Variants in TTC28 observed in about 807,000 individuals in gnomAD.
TTC28 encodes tetratricopeptide repeat protein 28.
In TTC28, 61 loss-of-function variants were observed where a neutral mutation model predicts 198.0. The ratio of observed to expected loss-of-function variants is 0.31; its 90% CI spans 0.25 to 0.38. The LOEUF (loss-of-function observed/expected upper bound fraction) is 0.38, where lower values mean the gene tolerates loss of function less well. TTC28 is among the 10% of genes least tolerant of loss of function. TTC28 has a pLI of 1.00. For missense variants in TTC28, 2,678 were observed against 3,164.0 expected (o/e 0.85, Z 3.69); for synonymous variants, 1,171 against 1,297.8 (o/e 0.90, Z 2.10).
chr22:28,196,024 T>C (rs373050235), intron 5 of TTC28, among the ~76,000 whole-genome samples: 62 of 151,648 alleles, frequency 4.1e-4, no homozygotes, highest in East Asian at 2.9e-3. Flanking sequence ...TCACGCTACC[T>C]GACTTCAAAC....
intron 16 of TTC28, chr22:27,998,270 A>T: frequency 1.8e-6 from 1 of 563,616 alleles, no homozygotes; most frequent in Non-Finnish European, 3.1e-6. Flanking sequence ...GGAATGGGTC[A>T]TCCAGTGTAC....
At chr22:28,508,807 C>T (rs997389099) in intron 2 of TTC28, among the ~76,000 whole-genome samples, 6 of 152,084 alleles carry the variant, frequency 3.9e-5, no homozygotes, top group Admixed American at 3.9e-4. Flanking sequence ...ACCCCACTGA[C>T]AATATTAGAT....
At position 28,098,975 on chromosome 22, in the gene TTC28, A is replaced by G; in HGVS notation, c.3487T>C (p.Ser1163Pro). Residue 1163 changes from serine (S) to proline (P), a missense_variant, in exon 10 of 23, where the codon TCC (serine) becomes CCC (proline). Around this residue, in one of 8 missense-constraint regions of TTC28, gnomAD observed 727 missense variants for 861.9 expected, o/e 0.84. Coordinates refer to ENST00000397906, the MANE Select transcript of TTC28 (RefSeq NM_001145418.2). ...EAQLSTDYKL[S>P]LFDLQTSSYQ... Reference sequence around the variant, plus strand: ...GATGATGTCTGCAGGTCAAAGAGGGAGAGTTTGTAGTCCGTGCTCAGCTGT... The same window carrying G: ...GATGATGTCTGCAGGTCAAAGAGGGGGAGTTTGTAGTCCGTGCTCAGCTGT... 1 of 1,551,812 alleles carries G rather than the reference A, an allele frequency of 6.4e-7. No homozygotes were observed. Among genetic ancestry groups the G allele is most frequent in the Middle Eastern group, 1.7e-4 (1 of 5,992 alleles).
At chr22:28,118,017 G>A (rs1455481151) in intron 6 of TTC28, among the ~76,000 whole-genome samples, 2 of 152,054 alleles carry the variant, frequency 1.3e-5, no homozygotes, top group Admixed American at 6.6e-5. Context: ...TGATTATTAC[G>A]CATTATATGC....
At chr22:28,296,899 G>C (rs962682818) in intron 4 of TTC28, among the ~76,000 whole-genome samples, 2 of 152,158 alleles carry the variant, frequency 1.3e-5, no homozygotes, top group African/African-American at 2.4e-5. Context: ...AAGTGGCAGA[G>C]CCAGGATTCT....
chr22:28,222,547 C>A (rs903350650), intron 5 of TTC28, among the ~76,000 whole-genome samples: 15 of 152,132 alleles, frequency 9.9e-5, no homozygotes, highest in Non-Finnish European at 2.1e-4. Flanking sequence ...ATGAGTAAAC[C>A]TAATGTACAC....
chr22:28,243,545 C>G (rs1929845930), intron 5 of TTC28, among the ~76,000 whole-genome samples: 1 of 151,860 alleles, frequency 6.6e-6, no homozygotes, highest in Non-Finnish European at 1.5e-5. Context: ...TCCCCTTACA[C>G]TGTGTGAGTT....
chr22:28,591,030 CACACACACACATATATAT>C (rs1267199510), intron 2 of TTC28, among the ~76,000 whole-genome samples: 1,275 of 68,050 alleles, frequency 0.019, 5 homozygotes, highest in Middle Eastern at 0.049. Context: ...CACACACACA[CACACACACACATATATAT>C]ATATATATAT....
chr22:28,386,804 T>A (rs2046606401), intron 2 of TTC28, among the ~76,000 whole-genome samples: 1 of 152,168 alleles, frequency 6.6e-6, no homozygotes, highest in South Asian at 2.1e-4. Flanking sequence ...AACTTTAGCT[T>A]TCTTATAGTT....
chr22:28,006,463 A>G (rs1569079854), intron 14 of TTC28: 1 of 152,158 alleles, frequency 6.6e-6, no homozygotes, highest in Non-Finnish European at 1.5e-5. Flanking sequence ...CTGGCCCATA[A>G]TCATTTTTCC....
chr22:27,989,463 G>C (rs1569069309), intron 21 of TTC28, among the ~76,000 whole-genome samples: 1 of 152,150 alleles, frequency 6.6e-6, no homozygotes, highest in Non-Finnish European at 1.5e-5. Flanking sequence ...ACAGTGCAGA[G>C]GAAATGGCAC....
chr22:28,015,746 G>A (rs116574339), intron 13 of TTC28, among the ~76,000 whole-genome samples: 67 of 151,864 alleles, frequency 4.4e-4, no homozygotes, highest in African/African-American at 1.5e-3. Flanking sequence ...TCTTAACCTC[G>A]ATTTAGACAC....
intron 5 of TTC28, among the ~76,000 whole-genome samples, chr22:28,168,640 T>C (rs1034752796): frequency 4.6e-5 from 7 of 152,224 alleles, no homozygotes; most frequent in Middle Eastern, 3.4e-3. Flanking sequence ...TGAAACTGGA[T>C]CCCTTCCTTA....
chr22:28,548,266 C>A (rs562178169), intron 2 of TTC28, among the ~76,000 whole-genome samples: 1 of 152,096 alleles, frequency 6.6e-6, no homozygotes, highest in Non-Finnish European at 1.5e-5. Flanking sequence ...GAGCATGAAC[C>A]CTTCTCTAAA....
intron 5 of TTC28, among the ~76,000 whole-genome samples, chr22:28,278,304 A>G (rs930200831): frequency 6.6e-6 from 1 of 152,252 alleles, no homozygotes; most frequent in Non-Finnish European, 1.5e-5. Flanking sequence ...TCTATTTGTC[A>G]ATGGTAAATA....
At chr22:28,181,337 G>A (rs1923674505) in intron 5 of TTC28, among the ~76,000 whole-genome samples, 1 of 152,146 alleles carries the variant, frequency 6.6e-6, no homozygotes, top group Non-Finnish European at 1.5e-5. Context: ...AAGAAAACAA[G>A]CTTTCTGGTA....
intron 2 of TTC28, among the ~76,000 whole-genome samples, chr22:28,395,422 A>G (rs921990052): frequency 8.5e-5 from 13 of 152,140 alleles, no homozygotes; most frequent in Non-Finnish European, 1.9e-4. Flanking sequence ...TCAGGAGGTC[A>G]GGAGATCGAG....
chr22:28,015,608 T>C (rs879179274), intron 13 of TTC28, among the ~76,000 whole-genome samples: 3 of 147,890 alleles, frequency 2.0e-5, no homozygotes, highest in Non-Finnish European at 3.0e-5. Flanking sequence ...TTTTTTTTTG[T>C]AGAGATGGGG....
rs562902704 is a variant in TTC28 at position 28,155,039 on chromosome 22, T to C, written c.1441+8053A>G. 4.6e-5 allele frequency among the ~76,000 whole-genome samples: 7 copies of C among 152,310 alleles called. No individual in the cohort carries two copies. The South Asian group carries it at 1.4e-3, about 32-fold the overall frequency. ...TGGAAGTTCTCTTCTCCCTGAGCTC[T>C]CCCTGGATTCCCCCGACCCTCTGTG... is the stretch of plus-strand genomic sequence containing the variant. On this transcript the variant is annotated intron_variant, in intron 6 of 22. Transcript: ENST00000397906.
Sources: gnomAD v4.1 joint callset for allele counts (sites outside exome capture counted in the v4.1 genomes callset) on GRCh38, gnomAD v4.1.1 for gene constraint, gnomAD v4.1.1 regional missense constraint, MANE v1.5 for transcripts, NCBI Gene and HGNC (gene_info 2026-07-23, HGNC 2026-07-21) for gene names.